Variants in PRIM2 observed in about 807,000 individuals in gnomAD.
PRIM2 encodes DNA primase large subunit.
Under a neutral mutation model 67.3 loss-of-function variants are expected in PRIM2, and 39 were observed. The observed-to-expected ratio is 0.58, with a 90% confidence interval of 0.45 to 0.76. The LOEUF (loss-of-function observed/expected upper bound fraction) is 0.76, where lower values mean the gene tolerates loss of function less well. Among genes scored for constraint, PRIM2 ranks in the 30% least tolerant of loss-of-function variants. PRIM2 has a pLI of 0.00. For synonymous variants in PRIM2, 143 were observed against 198.7 expected (o/e 0.72, Z 2.36); for missense variants, 398 against 598.7 (o/e 0.66, Z 3.50).
the PRIM2 span, among the ~76,000 whole-genome samples, chr6:57,282,987 C>G: frequency 6.6e-6 from 1 of 151,966 alleles, no homozygotes; most frequent in Non-Finnish European, 1.5e-5. Flanking sequence ...GTCTTTTTTT[C>G]TAGTACTCTC....
In PRIM2 at chr6:57,601,689, T is replaced by G. The variant is rs1244652202; in HGVS notation, c.1147+470T>G. ...ACCAACAAAGATTAAGTGGGCAATT[T>G]AACATGTCGTGATATCTGCCATAAC... On this transcript the variant is annotated intron_variant, in intron 11 of 13. Transcript: ENST00000615550. Among the ~76,000 whole-genome samples the G allele has an allele frequency of 6.6e-5, 10 of 152,314 alleles. No homozygotes were observed. The South Asian group carries it at 1.0e-3, about 16-fold the overall frequency.
chr6:57,365,687 C>T (rs9475886), intron 5 of PRIM2, among the ~76,000 whole-genome samples: 8 of 152,062 alleles, frequency 5.3e-5, no homozygotes, highest in Admixed American at 1.3e-4. Flanking sequence ...AGGCTGTGTG[C>T]GGTAGCTCGC....
At chr6:57,450,978 C>A (rs1232492617) in intron 7 of PRIM2, among the ~76,000 whole-genome samples, 2 of 152,118 alleles carry the variant, frequency 1.3e-5, no homozygotes, top group East Asian at 3.9e-4. Context: ...CCTCTTGATT[C>A]TGGGAAATGT....
intron 10 of PRIM2, among the ~76,000 whole-genome samples, chr6:57,567,940 C>T (rs1222861714): frequency 4.6e-5 from 7 of 152,162 alleles, no homozygotes; most frequent in Admixed American, 2.6e-4. Context: ...AAAATGTGAA[C>T]GAAGGTATGT....
chr6:57,515,143 AT>A (rs1466875112), intron 8 of PRIM2, among the ~76,000 whole-genome samples: 1 of 152,230 alleles, frequency 6.6e-6, no homozygotes, highest in African/African-American at 2.4e-5. Context: ...TAACTAGGTA[AT>A]AAAGTAGAAA....
At chr6:57,371,346 C>G (rs979550891) in intron 5 of PRIM2, among the ~76,000 whole-genome samples, 9 of 151,846 alleles carry the variant, frequency 5.9e-5, no homozygotes, top group Non-Finnish European at 2.9e-5. Flanking sequence ...AGGTGAGATA[C>G]TATATTATGC....
intron 8 of PRIM2, among the ~76,000 whole-genome samples, chr6:57,522,715 G>T (rs1554349036): frequency 5.3e-5 from 8 of 152,120 alleles, no homozygotes; most frequent in African/African-American, 1.7e-4. Context: ...ACATTTTATG[G>T]ACTAAGTCTT....
chr6:57,322,556 C>T (rs1303404971), intron 3 of PRIM2, among the ~76,000 whole-genome samples: 2 of 152,162 alleles, frequency 1.3e-5, no homozygotes, highest in Non-Finnish European at 2.9e-5. Flanking sequence ...AGCACTTCTC[C>T]TTACTGCCAC....
the PRIM2 span, among the ~76,000 whole-genome samples, chr6:57,308,103 T>TAAATAAATTC: frequency 1.3e-5 from 2 of 151,714 alleles, no homozygotes; most frequent in East Asian, 3.9e-4. Context: ...TACACCAGAA[T>TAAATAAATTC]TTATTTATCT....
At chr6:57,563,873 CT>C (rs1775686660) in intron 10 of PRIM2, among the ~76,000 whole-genome samples, 2 of 152,176 alleles carry the variant, frequency 1.3e-5, no homozygotes, top group Admixed American at 6.5e-5. Flanking sequence ...ATTGGTCAAG[CT>C]GTTCTCAAAC....
chr6:57,586,473 T>G (rs1245829495), intron 10 of PRIM2, among the ~76,000 whole-genome samples: 2 of 152,002 alleles, frequency 1.3e-5, no homozygotes, highest in Non-Finnish European at 2.9e-5. Context: ...GCTGGAGAAG[T>G]GTAATGACAA....
chr6:57,491,101 A>G (rs1258718792), intron 7 of PRIM2, among the ~76,000 whole-genome samples: 1 of 152,266 alleles, frequency 6.6e-6, no homozygotes, highest in Non-Finnish European at 1.5e-5. Context: ...AAAGAGTATC[A>G]TGAAAGAAAG....
At chr6:57,530,365 T>C (rs1340472910) in intron 8 of PRIM2, among the ~76,000 whole-genome samples, 2 of 152,340 alleles carry the variant, frequency 1.3e-5, no homozygotes, top group Non-Finnish European at 2.9e-5. Context: ...TAAAGACCAG[T>C]TGGTAAAGCT....
intron 7 of PRIM2, among the ~76,000 whole-genome samples, chr6:57,489,383 CG>C (rs1773828473): frequency 6.6e-6 from 1 of 152,234 alleles, no homozygotes; most frequent in Non-Finnish European, 1.5e-5. Context: ...GGTGAAACCC[CG>C]TCTTTACTAA....
At chr6:57,335,760 A>G (rs1231724381) in intron 5 of PRIM2, among the ~76,000 whole-genome samples, 1 of 152,248 alleles carries the variant, frequency 6.6e-6, no homozygotes, top group African/African-American at 2.4e-5. Flanking sequence ...AGATGGGGAA[A>G]AAACAGAACA....
At chr6:57,345,060 T>C (rs1488064416) in intron 5 of PRIM2, among the ~76,000 whole-genome samples, 1 of 73,612 alleles carries the variant, frequency 1.4e-5, no homozygotes, top group Non-Finnish European at 2.7e-5. Flanking sequence ...CTATAACTTT[T>C]GCCCTTGAAA....
chr6:57,619,027 T>G (rs1276376069), intron 12 of PRIM2, among the ~76,000 whole-genome samples: 1 of 152,198 alleles, frequency 6.6e-6, no homozygotes, highest in Non-Finnish European at 1.5e-5. Flanking sequence ...TCATTGCACC[T>G]TCTGCCGCCT....
intron 5 of PRIM2, among the ~76,000 whole-genome samples, chr6:57,338,656 G>A (rs575532968): frequency 0.12 from 17,201 of 145,730 alleles, 1,156 homozygotes; most frequent in African/African-American, 0.17. Context: ...ATTCAACAAC[G>A]CTTCATGCTA....
chr6:57,353,139 CAAAAA>C (rs57281233), intron 5 of PRIM2, among the ~76,000 whole-genome samples: 1 of 58,590 alleles, frequency 1.7e-5, no homozygotes, highest in Non-Finnish European at 4.1e-5. Flanking sequence ...GGTGAAATCC[CAAAAA>C]AAAAAAAAAA....
Sources: gnomAD v4.1 joint callset for allele counts (sites outside exome capture counted in the v4.1 genomes callset) on GRCh38, gnomAD v4.1.1 for gene constraint, MANE v1.5 for transcripts, NCBI Gene and HGNC (gene_info 2026-07-23, HGNC 2026-07-21) for gene names.